Variants in EPHB1 observed in about 807,000 individuals in gnomAD.
EPHB1 encodes ephrin type-B receptor 1.
EPHB1 carries 30 observed loss-of-function variants against 94.4 expected under a neutral mutation model. That is an observed-to-expected ratio of 0.32 (90% CI 0.24 to 0.43). The LOEUF (loss-of-function observed/expected upper bound fraction) is 0.43. Among genes scored for constraint, EPHB1 ranks in the 20% least tolerant of loss-of-function variants. The pLI is 1.00. For missense variants in EPHB1, 1,055 were observed against 1,308.3 expected (o/e 0.81, Z 2.99); for synonymous variants, 522 against 489.1 (o/e 1.07, Z -0.89).
At chr3:134,969,173 G>A (rs1020803647) in intron 3 of EPHB1, among the ~76,000 whole-genome samples, 1 of 152,108 alleles carries the variant, frequency 6.6e-6, no homozygotes, top group African/African-American at 2.4e-5. Flanking sequence ...GCAGCACTTG[G>A]TATTATCAGT....
At chr3:135,006,979 C>G (rs1488158320) in intron 3 of EPHB1, among the ~76,000 whole-genome samples, 1 of 152,134 alleles carries the variant, frequency 6.6e-6, no homozygotes, top group Non-Finnish European at 1.5e-5. Flanking sequence ...TGGGCTTATG[C>G]TATGTGAATG....
chr3:135,210,215 G>T (rs1008693146), intron 12 of EPHB1, among the ~76,000 whole-genome samples: 3 of 152,232 alleles, frequency 2.0e-5, no homozygotes, highest in African/African-American at 7.2e-5. Context: ...ACTCATTGAA[G>T]TAGAATAGTC....
intron 15 of EPHB1, among the ~76,000 whole-genome samples, chr3:135,255,098 CCT>C (rs559754869): frequency 1.3e-5 from 2 of 151,874 alleles, no homozygotes; most frequent in Admixed American, 6.6e-5. Flanking sequence ...CTATTTGATT[CCT>C]CTCTCTTTTT....
intron 1 of EPHB1, among the ~76,000 whole-genome samples, chr3:134,838,701 T>G (rs573344293): frequency 2.0e-5 from 3 of 152,308 alleles, no homozygotes; most frequent in South Asian, 4.1e-4. Flanking sequence ...TCTTTGAAAA[T>G]TAATATCTGG....
chr3:135,159,886 C>T (rs1225243707), intron 6 of EPHB1, among the ~76,000 whole-genome samples: 1 of 152,226 alleles, frequency 6.6e-6, no homozygotes, highest in Non-Finnish European at 1.5e-5. Flanking sequence ...GTCTCCTGAA[C>T]TCCTCTAGGC....
intron 1 of EPHB1, among the ~76,000 whole-genome samples, chr3:134,912,533 CCTCT>C (rs949709686): frequency 1.3e-5 from 2 of 151,598 alleles, no homozygotes; most frequent in African/African-American, 4.8e-5. Flanking sequence ...CTGGCCTCTG[CCTCT>C]CTCTCTCTCT....
intron 1 of EPHB1, among the ~76,000 whole-genome samples, chr3:134,847,548 C>A (rs1360424850): frequency 1.3e-5 from 2 of 152,208 alleles, no homozygotes; most frequent in African/African-American, 4.8e-5. Flanking sequence ...GCAGGGAAGA[C>A]AATTCCTGAT....
At position 135,151,281 on chromosome 3, in the gene EPHB1, A is replaced by G. The variant is rs11921281; in HGVS notation, c.1298-2871A>G. 9.6e-3 allele frequency among the ~76,000 whole-genome samples: 1,459 copies of G among 152,150 alleles called. 17 individuals carry two copies. Among genetic ancestry groups the G allele is most frequent in the African/African-American group, 0.034 (1,402 of 41,494 alleles). On this transcript the variant is annotated intron_variant, in intron 5 of 15. Coordinates refer to ENST00000398015, the MANE Select transcript of EPHB1 (RefSeq NM_004441.5). ...TCAGGGTAGAAGCCAAACTCCTTCT[A>G]GTGTCCCTCAGGGTCCTGCCCCCTG...
chr3:134,795,398 C>G lies in EPHB1; in HGVS notation c.-234C>G. The G allele has an allele frequency of 1.9e-6, 1 of 536,462 alleles. No individual in the cohort carries two copies. The highest frequency in any genetic ancestry group is 2.4e-5 in the South Asian group (1 of 41,420). 33.2% of individuals were successfully genotyped at this position (536,462 alleles called of 1,614,324 possible). A position where few individuals can be genotyped will look rare whatever the true frequency, so the allele number is the denominator to read the frequency against. ...CACACACGCACGCACACACCCACCTCTCCCATAAACACACACACACACATG... is the reference window on the plus strand; with the variant it reads ...CACACACGCACGCACACACCCACCTGTCCCATAAACACACACACACACATG... On this transcript the variant is annotated 5_prime_UTR_variant, in exon 1 of 16. Transcript: ENST00000398015.
In EPHB1 at chr3:134,951,883, G is replaced by A. The variant is rs377562524; in HGVS notation, c.636G>A (p.Gly212=). 1.9e-6 allele frequency: 3 copies of A among 1,613,912 alleles called. No individual in the cohort carries two copies. Among genetic ancestry groups the A allele is most frequent in the Non-Finnish European group, 2.5e-6 (3 of 1,179,916 alleles). The change falls in exon 3 of 16, where the codon GGG becomes GGA. Residue 212 remains glycine (G), a synonymous_variant. Coordinates refer to ENST00000398015, the MANE Select transcript of EPHB1 (RefSeq NM_004441.5). This position sits in a 1 kb window ranked among gnomAD's most constrained non-coding sequence, Gnocchi z 4.5. ...NFAVFPETMT[G]AESTSLVIAR... is the part of the protein sequence containing the mutation. Reference sequence around the variant, plus strand: ...CAGTGTTTCCAGAGACTATGACAGGGGCAGAGAGCACATCTCTGGTGATTG... The same window carrying A: ...CAGTGTTTCCAGAGACTATGACAGGAGCAGAGAGCACATCTCTGGTGATTG...
intron 2 of EPHB1, among the ~76,000 whole-genome samples, chr3:134,948,172 C>T (rs2039249627): frequency 6.6e-6 from 1 of 152,014 alleles, no homozygotes; most frequent in Admixed American, 6.6e-5. Context: ...CTCCTTTAGT[C>T]TTGGGTGTGT....
chr3:135,049,223 A>T (rs1314558658), intron 3 of EPHB1, among the ~76,000 whole-genome samples: 1 of 152,222 alleles, frequency 6.6e-6, no homozygotes, highest in East Asian at 1.9e-4. Context: ...TTACATCTTT[A>T]AGCCACTTAA....
chr3:134,900,347 G>A (rs1466088571), intron 1 of EPHB1, among the ~76,000 whole-genome samples: 2 of 151,884 alleles, frequency 1.3e-5, no homozygotes, highest in Admixed American at 6.6e-5. Context: ...TATTTTTTTT[G>A]TAGTAGTAAT....
chr3:135,081,228 CAAG>C (rs1938152758), intron 3 of EPHB1, among the ~76,000 whole-genome samples: 3 of 152,260 alleles, frequency 2.0e-5, no homozygotes, highest in African/African-American at 4.8e-5. Flanking sequence ...ATGTTCCTCA[CAAG>C]TTCTCAGAAT....
At chr3:134,803,355 C>G (rs1560239836) in intron 1 of EPHB1, among the ~76,000 whole-genome samples, 1 of 152,128 alleles carries the variant, frequency 6.6e-6, no homozygotes, top group Non-Finnish European at 1.5e-5. Flanking sequence ...AGGGAGGGGA[C>G]AAGCGAGGGG....
intron 4 of EPHB1, among the ~76,000 whole-genome samples, chr3:135,132,285 G>A (rs1940447637): frequency 6.6e-6 from 1 of 152,048 alleles, no homozygotes; most frequent in South Asian, 2.1e-4. Context: ...AATATGTTAG[G>A]GTTTTTGGAG....
chr3:135,122,062 G>C (rs957955376), intron 4 of EPHB1, among the ~76,000 whole-genome samples: 2 of 152,170 alleles, frequency 1.3e-5, no homozygotes, highest in African/African-American at 2.4e-5. Flanking sequence ...CACTAGCTTT[G>C]TCAGTCAGTG....
chr3:135,105,923 G>A (rs1939200467), intron 3 of EPHB1, among the ~76,000 whole-genome samples: 1 of 152,210 alleles, frequency 6.6e-6, no homozygotes. Context: ...ATCATTCATA[G>A]CAAGAGCTTG....
chr3:134,952,173 T>A, intron 3 of EPHB1, 121 bp downstream of exon 3: 1 of 1,046,572 alleles, frequency 9.6e-7, no homozygotes, highest in Non-Finnish European at 1.4e-6. Flanking sequence ...ATTATAAAGC[T>A]CTGAGGACTC....
Sources: gnomAD v4.1 joint callset for allele counts (sites outside exome capture counted in the v4.1 genomes callset) on GRCh38, gnomAD v4.1.1 for gene constraint, Gnocchi (gnomAD v3.1) non-coding constraint, MANE v1.5 for transcripts, NCBI Gene and HGNC (gene_info 2026-07-23, HGNC 2026-07-21) for gene names.